Variants in CNTN5 observed in about 807,000 individuals in gnomAD.
The protein encoded by CNTN5 is contactin-5.
A neutral mutation model predicts 129.1 loss-of-function variants in CNTN5; 77 were observed. The ratio of observed to expected loss-of-function variants is 0.60; its 90% CI spans 0.50 to 0.72. The LOEUF (loss-of-function observed/expected upper bound fraction) is 0.72, where lower values mean the gene tolerates loss of function less well. Among genes scored for constraint, CNTN5 ranks in the 30% least tolerant of loss-of-function variants. The probability of loss-of-function intolerance (pLI) is 0.00; values close to 1 mark genes in which losing one functional copy is unlikely to be tolerated. For missense variants in CNTN5, 1,478 were observed against 1,328.8 expected (o/e 1.11, Z -1.75); for synonymous variants, 509 against 465.6 (o/e 1.09, Z -1.20).
intron 3 of CNTN5, among the ~76,000 whole-genome samples, chr11:99,784,879 A>T (rs1945459588): frequency 1.4e-5 from 2 of 143,930 alleles, no homozygotes; most frequent in African/African-American, 5.2e-5. Context: ...GACTCACTGC[A>T]ACCTCCGCCT....
chr11:99,768,232 A>G (rs773622094), intron 3 of CNTN5, among the ~76,000 whole-genome samples: 27 of 152,152 alleles, frequency 1.8e-4, no homozygotes, highest in Non-Finnish European at 3.2e-4. Context: ...GGTAGATTAT[A>G]TTAATAGTTA....
intron 3 of CNTN5, among the ~76,000 whole-genome samples, chr11:99,726,208 TA>T (rs1164852511): frequency 3.3e-5 from 5 of 152,212 alleles, no homozygotes. Context: ...CAAAGAGTCC[TA>T]AGACAGTAGC....
intron 21 of CNTN5, among the ~76,000 whole-genome samples, chr11:100,339,087 C>T (rs1253013661): frequency 3.3e-5 from 5 of 152,088 alleles, no homozygotes; most frequent in Non-Finnish European, 5.9e-5. Context: ...GACCCTGAAA[C>T]CCCAGAGGAT....
intron 1 of CNTN5, among the ~76,000 whole-genome samples, chr11:99,272,761 G>T (rs1158478661): frequency 6.6e-6 from 1 of 151,756 alleles, no homozygotes; most frequent in Admixed American, 6.6e-5. Context: ...TGTGACCACA[G>T]GAAGAAACAG....
chr11:99,443,678 G>T (rs1943935516), intron 2 of CNTN5, among the ~76,000 whole-genome samples: 1 of 152,172 alleles, frequency 6.6e-6, no homozygotes, highest in South Asian at 2.1e-4. Flanking sequence ...CTGAGACAGT[G>T]CTACCTAGAT....
intron 3 of CNTN5, among the ~76,000 whole-genome samples, chr11:99,613,839 T>C (rs1418434236): frequency 1.3e-5 from 2 of 152,212 alleles, no homozygotes; most frequent in African/African-American, 4.8e-5. Flanking sequence ...TGCACAAATA[T>C]ATTTTAGAAT....
chr11:99,815,903 C>T (rs1257197301), intron 3 of CNTN5, among the ~76,000 whole-genome samples: 2 of 152,250 alleles, frequency 1.3e-5, no homozygotes, highest in East Asian at 1.9e-4. Context: ...CTGATTTTAA[C>T]ACCCTTTCAG....
intron 1 of CNTN5, among the ~76,000 whole-genome samples, chr11:99,241,172 A>ACT (rs1276090666): frequency 6.6e-6 from 1 of 152,116 alleles, no homozygotes; most frequent in African/African-American, 2.4e-5. Flanking sequence ...CTACTTAGAG[A>ACT]ATCTCCATGC....
At chr11:99,586,591 AAGC>A (rs1298930113) in intron 3 of CNTN5, among the ~76,000 whole-genome samples, 2 of 152,208 alleles carry the variant, frequency 1.3e-5, no homozygotes, top group Non-Finnish European at 2.9e-5. Flanking sequence ...GAAACATAAT[AAGC>A]AGTAAATTAA....
At chr11:99,464,606 A>T (rs1367818205) in intron 2 of CNTN5, among the ~76,000 whole-genome samples, 1 of 152,150 alleles carries the variant, frequency 6.6e-6, no homozygotes. Flanking sequence ...ATTGAAATTG[A>T]ATTACATACT....
intron 2 of CNTN5, among the ~76,000 whole-genome samples, chr11:99,505,746 T>C (rs1946595355): frequency 6.6e-6 from 1 of 152,200 alleles, no homozygotes; most frequent in Admixed American, 6.5e-5. Context: ...TTAAATAATA[T>C]CAAACCTTTG....
intron 3 of CNTN5, among the ~76,000 whole-genome samples, chr11:99,593,389 G>A (rs1220645258): frequency 6.6e-6 from 1 of 152,152 alleles, no homozygotes; most frequent in African/African-American, 2.4e-5. Context: ...GAAAGGAACT[G>A]TCAGTTGTTT....
intron 1 of CNTN5, among the ~76,000 whole-genome samples, chr11:99,124,328 T>G (rs1040025590): frequency 1.3e-5 from 2 of 152,110 alleles, no homozygotes; most frequent in Admixed American, 1.3e-4. Context: ...GGCTCTAAAC[T>G]TAGATGTTCT....
intron 2 of CNTN5, among the ~76,000 whole-genome samples, chr11:99,493,395 C>T (rs2726369): frequency 0.8 from 121,363 of 152,180 alleles, 48,914 homozygotes; most frequent in Middle Eastern, 0.91. Flanking sequence ...CGAACAACTC[C>T]AATAAATGCC....
At chr11:100,204,589 C>T (rs991404310) in intron 15 of CNTN5, among the ~76,000 whole-genome samples, 31 of 151,144 alleles carry the variant, frequency 2.1e-4, no homozygotes, top group Admixed American at 1.5e-3. Flanking sequence ...CATCCTCCCA[C>T]CTCAGCCTCC....
chr11:99,085,261 G>T (rs1591166452), intron 1 of CNTN5, among the ~76,000 whole-genome samples: 1 of 151,740 alleles, frequency 6.6e-6, no homozygotes, highest in Non-Finnish European at 1.5e-5. Flanking sequence ...GCCCAGGGTG[G>T]TTCTCGAACT....
At chr11:100,176,735 A>T (rs915850339) in intron 13 of CNTN5, among the ~76,000 whole-genome samples, 1 of 152,062 alleles carries the variant, frequency 6.6e-6, no homozygotes, top group African/African-American at 2.4e-5. Flanking sequence ...CATGAGGGGA[A>T]TGGAAGATGG....
chr11:99,526,317 A>G (rs1157863782), intron 2 of CNTN5, among the ~76,000 whole-genome samples: 1 of 152,226 alleles, frequency 6.6e-6, no homozygotes, highest in Non-Finnish European at 1.5e-5. Flanking sequence ...AAGACCTACC[A>G]GCCACTGTGT....
chr11:100,337,523 G>C, intron 21 of CNTN5: 2 of 740,908 alleles, frequency 2.7e-6, no homozygotes, highest in South Asian at 2.7e-5. Context: ...TCAAACGCAT[G>C]TCTGTATCCC....
Sources: allele counts gnomAD v4.1 joint callset (sites outside exome capture counted in the v4.1 genomes callset), GRCh38; gene constraint gnomAD v4.1.1; transcripts MANE v1.5; gene names NCBI Gene and HGNC (gene_info 2026-07-23, HGNC 2026-07-21).